ATP11B: variants seen among roughly 807,000 people sequenced by gnomAD.
The protein encoded by ATP11B is phospholipid-transporting ATPase IF.
In ATP11B, 81 loss-of-function variants were observed where a neutral mutation model predicts 157.8. That is an observed-to-expected ratio of 0.51 (90% CI 0.43 to 0.62). The LOEUF (loss-of-function observed/expected upper bound fraction) is 0.62, where lower values mean the gene tolerates loss of function less well. Ranked by LOEUF, ATP11B falls within the 20% of genes least tolerant of loss-of-function variation. ATP11B has a pLI of 0.00. For synonymous variants in ATP11B, 451 were observed against 469.4 expected (o/e 0.96, Z 0.51); for missense variants, 1,165 against 1,402.2 (o/e 0.83, Z 2.70).
intron 1 of ATP11B, among the ~76,000 whole-genome samples, chr3:182,813,551 G>A (rs1241960022): frequency 6.6e-6 from 1 of 152,008 alleles, no homozygotes. Context: ...GTAATAAATA[G>A]CCTTGATAAA....
intron 1 of ATP11B, among the ~76,000 whole-genome samples, chr3:182,804,100 TA>T (rs2108485394): frequency 6.6e-6 from 1 of 152,326 alleles, no homozygotes; most frequent in Non-Finnish European, 1.5e-5. Flanking sequence ...GCATTGAAGT[TA>T]AGTTTCTTCA....
At chr3:182,804,068 G>A (rs1307796513) in intron 1 of ATP11B, among the ~76,000 whole-genome samples, 2 of 151,892 alleles carry the variant, frequency 1.3e-5, no homozygotes, top group Admixed American at 6.6e-5. Flanking sequence ...ATGGAAAATA[G>A]TTCTAGATTT....
chr3:182,805,240 C>G (rs775631957), intron 1 of ATP11B, among the ~76,000 whole-genome samples: 5 of 152,202 alleles, frequency 3.3e-5, no homozygotes, highest in Non-Finnish European at 7.4e-5. Flanking sequence ...TACATTCCCA[C>G]TAGCAATGTA....
chr3:182,912,275 G>A (rs921608225), intron 28 of ATP11B, among the ~76,000 whole-genome samples: 1 of 152,150 alleles, frequency 6.6e-6, no homozygotes, highest in African/African-American at 2.4e-5. Flanking sequence ...TTGCTGGTTG[G>A]TGGGTGGGGG....
chr3:182,799,587 A>C (rs982139962), intron 1 of ATP11B, among the ~76,000 whole-genome samples: 1 of 152,134 alleles, frequency 6.6e-6, no homozygotes, highest in Non-Finnish European at 1.5e-5. Flanking sequence ...AGTGCTGATC[A>C]TTCTAAGCAA....
intron 17 of ATP11B, among the ~76,000 whole-genome samples, 160 bp downstream of exon 17, chr3:182,869,491 G>A (rs868536926): frequency 6.6e-6 from 1 of 152,132 alleles, no homozygotes; most frequent in Non-Finnish European, 1.5e-5. Context: ...GACTTTTAAC[G>A]CAAGCAAAAA....
chr3:182,854,830 G>A (rs1720256024), intron 10 of ATP11B, among the ~76,000 whole-genome samples: 1 of 148,994 alleles, frequency 6.7e-6, no homozygotes, highest in African/African-American at 2.5e-5. Context: ...GAAAAGAGAA[G>A]CTAATTAAAA....
intron 2 of ATP11B, among the ~76,000 whole-genome samples, chr3:182,823,725 T>C (rs1717527865): frequency 6.6e-6 from 1 of 152,170 alleles, no homozygotes; most frequent in Admixed American, 6.5e-5. Flanking sequence ...ATTTTCACGA[T>C]GTTGATTCTT....
intron 26 of ATP11B, 88 bp from the exon 27 acceptor site, chr3:182,897,215 A>T (rs1723612782): frequency 4.3e-6 from 3 of 701,870 alleles, no homozygotes; most frequent in Non-Finnish European, 2.3e-6. Context: ...ACTTTTAGAT[A>T]CTTATGTTTA....
intron 7 of ATP11B, among the ~76,000 whole-genome samples, chr3:182,840,609 C>T (rs189213741): frequency 1.3e-5 from 2 of 152,300 alleles, no homozygotes; most frequent in East Asian, 1.9e-4. Context: ...TCTTTCTCAT[C>T]TCAGTTGATA....
intron 1 of ATP11B, among the ~76,000 whole-genome samples, chr3:182,794,163 A>C (rs1715444670): frequency 1.3e-5 from 2 of 152,052 alleles, no homozygotes; most frequent in Non-Finnish European, 2.9e-5. Context: ...GGTCTTGGGG[A>C]GATGAGAGAG....
At position 182,837,162 on chromosome 3, in the gene ATP11B, C is replaced by T; in HGVS notation, c.644C>T (p.Ala215Val). The change falls in exon 7 of 30, where the codon GCA becomes GTA. Residue 215 changes from alanine (A) to valine (V), a missense_variant. Coordinates refer to ENST00000323116, the MANE Select transcript of ATP11B (RefSeq NM_014616.3). The part of the protein sequence containing the change: ...VAVIECQQPE[A>V]DLYRFMGRMI... ...GTAATAGAATGCCAGCAACCAGAAG[C>T]AGACTTATACAGGTATGGTGTGATA... is the stretch of plus-strand genomic sequence containing the variant. 1 of 1,606,950 alleles carries T rather than the reference C, an allele frequency of 6.2e-7. No individual in the cohort carries two copies. Among genetic ancestry groups the T allele is most frequent in the Non-Finnish European group, 8.5e-7 (1 of 1,173,870 alleles).
intron 29 of ATP11B, chr3:182,914,593 G>A (rs774142256): frequency 3.6e-5 from 35 of 985,194 alleles, no homozygotes; most frequent in Non-Finnish European, 4.2e-5. Context: ...AATTAAAAGT[G>A]TATGAGTTAG....
At chr3:182,861,666 T>C (rs1000626507) in intron 12 of ATP11B, among the ~76,000 whole-genome samples, 2 of 152,198 alleles carry the variant, frequency 1.3e-5, no homozygotes, top group Admixed American at 1.3e-4. Context: ...TTGATTATGC[T>C]CAAATTGTCT....
intron 28 of ATP11B, among the ~76,000 whole-genome samples, chr3:182,906,316 A>T (rs1577110751): frequency 6.6e-6 from 1 of 152,168 alleles, no homozygotes; most frequent in Admixed American, 6.5e-5. Context: ...ACCCATCTTA[A>T]TATAGTTGGA....
chr3:182,857,835 A>G, intron 10 of ATP11B, 43 bp from the exon 11 acceptor site: 1 of 1,247,014 alleles, frequency 8.0e-7, no homozygotes, highest in Non-Finnish European at 1.1e-6. Context: ...GAATATAGTA[A>G]TACATGAGTT....
intron 1 of ATP11B, among the ~76,000 whole-genome samples, chr3:182,799,190 A>G (rs190909539): frequency 3.4e-4 from 52 of 152,324 alleles, no homozygotes; most frequent in African/African-American, 1.2e-3. Flanking sequence ...TATCAAGTCA[A>G]CATCGACTGC....
At chr3:182,823,550 A>T (rs911259992) in intron 2 of ATP11B, among the ~76,000 whole-genome samples, 9 of 152,072 alleles carry the variant, frequency 5.9e-5, no homozygotes, top group African/African-American at 2.2e-4. Context: ...AGGTAGCGTG[A>T]TGTCTTCAGC....
At chr3:182,906,826 C>T (rs192237683) in intron 28 of ATP11B, among the ~76,000 whole-genome samples, 2,101 of 150,972 alleles carry the variant, frequency 0.014, 46 homozygotes, top group African/African-American at 0.049. Context: ...TGGTGGCTCA[C>T]GCCTGTAATC....
Sources: allele counts gnomAD v4.1 joint callset (sites outside exome capture counted in the v4.1 genomes callset), GRCh38; gene constraint gnomAD v4.1.1; transcripts MANE v1.5; gene names NCBI Gene and HGNC (gene_info 2026-07-23, HGNC 2026-07-21).